Variants in CDH18 observed in about 807,000 individuals in gnomAD.
CDH18 encodes the protein cadherin 18, also known as cadherin-18.
Under a neutral mutation model 67.9 loss-of-function variants are expected in CDH18, and 31 were observed. The ratio of observed to expected loss-of-function variants is 0.46; its 90% CI spans 0.34 to 0.62. The LOEUF (loss-of-function observed/expected upper bound fraction) is 0.62, where lower values mean the gene tolerates loss of function less well. CDH18 is among the 20% of genes least tolerant of loss of function. The pLI, the probability that CDH18 is intolerant of heterozygous loss-of-function variation, is 0.01. For missense variants in CDH18, 890 were observed against 975.5 expected (o/e 0.91, Z 1.17); for synonymous variants, 362 against 347.2 (o/e 1.04, Z -0.48).
intron 1 of CDH18, among the ~76,000 whole-genome samples, chr5:20,433,513 G>A (rs1472690070): frequency 6.6e-6 from 1 of 152,002 alleles, no homozygotes; most frequent in Non-Finnish European, 1.5e-5. Context: ...TCGATGGTCT[G>A]AGGAGAAGAG....
At chr5:19,925,380 A>G (rs1177917866) in intron 2 of CDH18, among the ~76,000 whole-genome samples, 1 of 152,234 alleles carries the variant, frequency 6.6e-6, no homozygotes, top group African/African-American at 2.4e-5. Flanking sequence ...TATTGCAGTA[A>G]AAATGATGAA....
At chr5:20,156,218 T>C (rs1387769320) in intron 2 of CDH18, among the ~76,000 whole-genome samples, 1 of 152,108 alleles carries the variant, frequency 6.6e-6, no homozygotes, top group Non-Finnish European at 1.5e-5. Context: ...TCAAACCAGC[T>C]ATCCTGTACT....
At chr5:19,898,314 T>G (rs1421883864) in intron 2 of CDH18, among the ~76,000 whole-genome samples, 1 of 151,090 alleles carries the variant, frequency 6.6e-6, no homozygotes, top group East Asian at 1.9e-4. Flanking sequence ...CACATGATTT[T>G]CCTATTTTAC....
At chr5:20,111,270 AG>A (rs1456420740) in intron 2 of CDH18, among the ~76,000 whole-genome samples, 2 of 152,176 alleles carry the variant, frequency 1.3e-5, no homozygotes, top group African/African-American at 4.8e-5. Flanking sequence ...AAGGTTCAGA[AG>A]AACTGCTAGC....
At chr5:19,617,275 G>T (rs562116168) in intron 5 of CDH18, among the ~76,000 whole-genome samples, 1 of 152,240 alleles carries the variant, frequency 6.6e-6, no homozygotes, top group South Asian at 2.1e-4. Flanking sequence ...AATTGTAAAA[G>T]GTAAGCCAAT....
intron 1 of CDH18, among the ~76,000 whole-genome samples, chr5:20,285,962 T>C (rs1048285588): frequency 1.3e-5 from 2 of 151,716 alleles, no homozygotes; most frequent in Non-Finnish European, 3.0e-5. Context: ...GTTTCTGTGA[T>C]ACTATCAGTG....
At chr5:20,242,011 G>A (rs1427543131) in intron 2 of CDH18, among the ~76,000 whole-genome samples, 2 of 150,966 alleles carry the variant, frequency 1.3e-5, no homozygotes, top group African/African-American at 2.4e-5. Context: ...GCTACAACAC[G>A]TGTCAAGTAC....
intron 1 of CDH18, among the ~76,000 whole-genome samples, chr5:20,416,948 T>C (rs539394970): frequency 1.3e-5 from 2 of 152,202 alleles, no homozygotes; most frequent in Non-Finnish European, 1.5e-5. Context: ...TTATAGTATA[T>C]AGTAAAAAGT....
At chr5:19,868,733 C>T (rs1785887394) in intron 2 of CDH18, among the ~76,000 whole-genome samples, 2 of 152,100 alleles carry the variant, frequency 1.3e-5, no homozygotes, top group African/African-American at 4.8e-5. Flanking sequence ...GGCATTCCTC[C>T]CCAGTGCTCA....
chr5:20,198,998 A>C (rs1171282886), intron 2 of CDH18, among the ~76,000 whole-genome samples: 1 of 152,206 alleles, frequency 6.6e-6, no homozygotes, highest in African/African-American at 2.4e-5. Flanking sequence ...ATGCAGGAAA[A>C]CACCTGGATG....
At chr5:20,313,849 A>G (rs1158470989) in intron 1 of CDH18, among the ~76,000 whole-genome samples, 1 of 152,044 alleles carries the variant, frequency 6.6e-6, no homozygotes, top group African/African-American at 2.4e-5. Context: ...GCATACACCT[A>G]CATGTAATTA....
At chr5:20,520,551 AGCAT>A (rs1409200207) in intron 1 of CDH18, among the ~76,000 whole-genome samples, 2 of 152,146 alleles carry the variant, frequency 1.3e-5, no homozygotes, top group Non-Finnish European at 2.9e-5. Context: ...CTAATATACA[AGCAT>A]GCTCTGAAAT....
intron 1 of CDH18, among the ~76,000 whole-genome samples, chr5:20,530,370 T>C (rs764043450): frequency 6.6e-6 from 1 of 151,186 alleles, no homozygotes; most frequent in African/African-American, 2.4e-5. Context: ...TTCACACAAT[T>C]AGAAAAAAAA....
At chr5:20,225,485 T>C (rs1741549349) in intron 2 of CDH18, among the ~76,000 whole-genome samples, 1 of 152,090 alleles carries the variant, frequency 6.6e-6, no homozygotes, top group Non-Finnish European at 1.5e-5. Context: ...TATCAACCAC[T>C]CACCCCCGTA....
chr5:19,888,222 G>T (rs1450462132), intron 2 of CDH18, among the ~76,000 whole-genome samples: 1 of 151,880 alleles, frequency 6.6e-6, no homozygotes, highest in African/African-American at 2.4e-5. Flanking sequence ...CTTACAATTA[G>T]CTTGCACACA....
At chr5:20,501,717 T>TTGTGTGTGTGTGTGTG (rs1170488048) in intron 1 of CDH18, among the ~76,000 whole-genome samples, 3 of 121,250 alleles carry the variant, frequency 2.5e-5, no homozygotes, top group Non-Finnish European at 3.4e-5. Context: ...TCTTAAGGAT[T>TTGTGTGTGTGTGTGTG]TGTGTGTGTG....
At chr5:20,450,764 G>C (rs1750383814) in intron 1 of CDH18, among the ~76,000 whole-genome samples, 1 of 152,082 alleles carries the variant, frequency 6.6e-6, no homozygotes. Flanking sequence ...CATTGCATTA[G>C]TCTGTTCTCA....
At chr5:20,437,090 A>AGGT (rs1749225847) in intron 1 of CDH18, among the ~76,000 whole-genome samples, 1 of 151,572 alleles carries the variant, frequency 6.6e-6, no homozygotes, top group Non-Finnish European at 1.5e-5. Context: ...TAGACAAAGA[A>AGGT]GGTGACAGAT....
chr5:20,251,513 C>CA (rs1397402766), intron 2 of CDH18, among the ~76,000 whole-genome samples: 114 of 152,098 alleles, frequency 7.5e-4, no homozygotes, highest in African/African-American at 2.7e-3. Context: ...TATTTTCAGA[C>CA]AAAAAAATTG....
Sources: allele counts gnomAD v4.1 joint callset (sites outside exome capture counted in the v4.1 genomes callset), GRCh38; gene constraint gnomAD v4.1.1; transcripts MANE v1.5; gene names NCBI Gene and HGNC (gene_info 2026-07-23, HGNC 2026-07-21).